ABLIM3: variants seen among roughly 807,000 people sequenced by gnomAD.
The protein encoded by ABLIM3 is actin-binding LIM protein 3.
ABLIM3 carries 61 observed loss-of-function variants against 109.5 expected under a neutral mutation model. The observed-to-expected ratio is 0.56, with a 90% confidence interval of 0.45 to 0.69. The LOEUF is 0.69. Among genes scored for constraint, ABLIM3 ranks in the 30% least tolerant of loss-of-function variants. The pLI, the probability that ABLIM3 is intolerant of heterozygous loss-of-function variation, is 0.00. For missense variants in ABLIM3, 796 were observed against 889.5 expected (o/e 0.89, Z 1.34); for synonymous variants, 300 against 324.8 (o/e 0.92, Z 0.82).
intron 3 of ABLIM3, among the ~76,000 whole-genome samples, chr5:149,196,683 T>C (rs1030273443): frequency 5.9e-5 from 9 of 152,334 alleles, no homozygotes; most frequent in African/African-American, 1.7e-4. Context: ...GGCCCCTTCC[T>C]CGCTGGTGCA....
chr5:149,149,158 G>C (rs1256157619), intron 2 of ABLIM3, among the ~76,000 whole-genome samples: 3 of 152,158 alleles, frequency 2.0e-5, no homozygotes, highest in Admixed American at 2.0e-4. Context: ...CTGAGCTTTG[G>C]GGTATGGATT....
At chr5:149,203,462 T>C (rs1160632279) in intron 5 of ABLIM3, among the ~76,000 whole-genome samples, 1 of 151,082 alleles carries the variant, frequency 6.6e-6, no homozygotes, top group Non-Finnish European at 1.5e-5. Flanking sequence ...TCCACCATCG[T>C]CACCATCATC....
intron 8 of ABLIM3, among the ~76,000 whole-genome samples, chr5:149,225,285 C>T (rs1320933545): frequency 6.6e-6 from 1 of 152,164 alleles, no homozygotes; most frequent in Non-Finnish European, 1.5e-5. Flanking sequence ...AAGGAAACCT[C>T]ATACATGCCA....
chr5:149,242,110 T>C (rs1043613641), intron 14 of ABLIM3, among the ~76,000 whole-genome samples: 1 of 152,182 alleles, frequency 6.6e-6, no homozygotes, highest in Non-Finnish European at 1.5e-5. Context: ...GAAATTCGGC[T>C]GCAGCATCCT....
chr5:149,200,058 C>T (rs1394147062), intron 4 of ABLIM3, among the ~76,000 whole-genome samples: 3 of 152,196 alleles, frequency 2.0e-5, no homozygotes, highest in African/African-American at 4.8e-5. Flanking sequence ...CTACTTCTTA[C>T]AGCCTAGACA....
intron 1 of ABLIM3, 44 bp downstream of exon 1, chr5:149,141,698 A>C: frequency 5.2e-6 from 1 of 190,988 alleles, no homozygotes; most frequent in East Asian, 1.3e-4. Flanking sequence ...CCGGGCGGGG[A>C]CGCGCTGCCC....
At chr5:149,227,447 A>C (rs1384101797) in intron 8 of ABLIM3, among the ~76,000 whole-genome samples, 1 of 152,244 alleles carries the variant, frequency 6.6e-6, no homozygotes. Flanking sequence ...TTGTACTCTT[A>C]CAAAAAGCTA....
intron 2 of ABLIM3, among the ~76,000 whole-genome samples, chr5:149,171,887 G>A (rs1437669921): frequency 6.6e-6 from 1 of 152,172 alleles, no homozygotes; most frequent in African/African-American, 2.4e-5. Context: ...TAGACCAGAT[G>A]TCCAATAGAA....
At chr5:149,193,319 A>C (rs1757668435) in intron 3 of ABLIM3, among the ~76,000 whole-genome samples, 1 of 152,056 alleles carries the variant, frequency 6.6e-6, no homozygotes, top group Non-Finnish European at 1.5e-5. Flanking sequence ...ATAGAAAAAA[A>C]TTGCATTTGT....
At chr5:149,175,902 G>T (rs535507190) in intron 2 of ABLIM3, among the ~76,000 whole-genome samples, 1 of 152,160 alleles carries the variant, frequency 6.6e-6, no homozygotes, top group Non-Finnish European at 1.5e-5. Flanking sequence ...AAGGCAGCAC[G>T]AGCCGTGTTG....
At position 149,198,542 on chromosome 5, in the gene ABLIM3, G is replaced by A; in HGVS notation, c.335+140G>A. The A allele has an allele frequency of 4.2e-6, 4 of 961,684 alleles. No homozygotes were observed. The highest frequency in any genetic ancestry group is 4.5e-6 in the Non-Finnish European group (3 of 667,060). 59.6% of individuals were successfully genotyped at this position (961,684 alleles called of 1,614,324 possible). On this transcript the variant is annotated intron_variant, in intron 4 of 23. Coordinates refer to ENST00000309868, the MANE Select transcript of ABLIM3 (RefSeq NM_014945.5). The surrounding 1 kb of genome is among the most constrained non-coding windows in gnomAD (Gnocchi z 4.2). ...ATTTCTGGAACCTCAGGTGTGGAGG[G>A]ATCTGATGGGCCAGTGGTTTTCAAA...
At chr5:149,153,657 G>A (rs72837014) in intron 2 of ABLIM3, among the ~76,000 whole-genome samples, 337 of 152,342 alleles carry the variant, frequency 2.2e-3, no homozygotes, top group Admixed American at 4.0e-3. Flanking sequence ...AACAGTGGAA[G>A]GACTTGAAAC....
chr5:149,165,342 T>G (rs1471264233), intron 2 of ABLIM3, among the ~76,000 whole-genome samples: 1 of 152,232 alleles, frequency 6.6e-6, no homozygotes, highest in Non-Finnish European at 1.5e-5. Flanking sequence ...TATATAAATT[T>G]TTATTGGAAC....
At chr5:149,183,266 G>A (rs6886115) in intron 2 of ABLIM3, among the ~76,000 whole-genome samples, 186 bp from the exon 3 acceptor site, 46,575 of 152,110 alleles carry the variant, frequency 0.31, 7,445 homozygotes, top group East Asian at 0.51. Flanking sequence ...GAGGGCTATG[G>A]ACATGTCTCA....
At chr5:149,210,957 C>G (rs1759490618) in intron 7 of ABLIM3, 138 bp downstream of exon 7, 1 of 757,588 alleles carries the variant, frequency 1.3e-6, no homozygotes, top group Admixed American at 2.1e-5. Flanking sequence ...TGCTACATGA[C>G]CTTGAGCAGA....
chr5:149,213,126 G>A (rs941584050), intron 7 of ABLIM3, among the ~76,000 whole-genome samples: 2 of 152,108 alleles, frequency 1.3e-5, no homozygotes, highest in South Asian at 2.1e-4. Context: ...CAAGAAAAAT[G>A]AGAAAAGAAA....
At chr5:149,208,771 G>T (rs935211514) in intron 6 of ABLIM3, among the ~76,000 whole-genome samples, 3 of 152,198 alleles carry the variant, frequency 2.0e-5, no homozygotes, top group African/African-American at 7.2e-5. Flanking sequence ...ATCAGCAGAA[G>T]GGGAAATGGA....
chr5:149,256,809 C>T (rs1561644544), intron 23 of ABLIM3, among the ~76,000 whole-genome samples: 1 of 152,174 alleles, frequency 6.6e-6, no homozygotes, highest in Non-Finnish European at 1.5e-5. Context: ...GGGCTTTGTC[C>T]TATTTTCTCT....
intron 8 of ABLIM3, among the ~76,000 whole-genome samples, chr5:149,229,309 G>A (rs562579866): frequency 2.2e-4 from 34 of 152,218 alleles, no homozygotes; most frequent in African/African-American, 7.0e-4. Context: ...CAAGTATGTC[G>A]GCAGACAAAA....
Sources: gnomAD v4.1 joint callset for allele counts (sites outside exome capture counted in the v4.1 genomes callset) on GRCh38, gnomAD v4.1.1 for gene constraint, Gnocchi (gnomAD v3.1) non-coding constraint, MANE v1.5 for transcripts, NCBI Gene and HGNC (gene_info 2026-07-23, HGNC 2026-07-21) for gene names.